Variants in RRP8 observed in about 807,000 individuals in gnomAD.
RRP8 encodes the protein ribosomal RNA processing 8.
In RRP8, 48 loss-of-function variants were observed where a neutral mutation model predicts 45.0. The ratio of observed to expected loss-of-function variants is 1.07; its 90% CI spans 0.85 to 1.36. RRP8 has a LOEUF of 1.36. Ranked by LOEUF, RRP8 falls within the 40% of genes most tolerant of loss-of-function variation. The pLI is 0.00. For missense variants in RRP8, 658 were observed against 573.7 expected (o/e 1.15, Z -1.50); for synonymous variants, 274 against 212.4 (o/e 1.29, Z -2.52).
rs953633003 is a variant in RRP8, at chr11:6,598,544, G to A, written c.*1602C>T. On this transcript the variant is annotated 3_prime_UTR_variant, in exon 7 of 7. Transcript: ENST00000254605. Reference sequence around the variant, plus strand: ...TAGCACTCTTCACATAGTACTTTGAGAGTACAGATGAAGAACTGATTTTGC... The same window carrying A: ...TAGCACTCTTCACATAGTACTTTGAAAGTACAGATGAAGAACTGATTTTGC... 6.6e-6 allele frequency: 1 copy of A among 152,278 alleles called. No individual in the cohort carries two copies. Among genetic ancestry groups the A allele is most frequent in the Non-Finnish European group, 1.5e-5 (1 of 68,052 alleles). 9.4% of individuals were successfully genotyped at this position (152,278 alleles called of 1,614,324 possible).
chr11:6,601,391 A>G lies in RRP8; in HGVS notation c.675T>C (p.Val225=), dbSNP rs751768798. ...APTEKTEVSP[V]PRTDSHEARA... is the part of the protein sequence containing the mutation. ...GAGCCTCATGGCTGTCTGTCCTGGG[A>G]ACAGGAGACACCTCTGTCTTCTCTG... is the stretch of plus-strand genomic sequence containing the variant. Residue 225 remains valine, a synonymous_variant, in exon 3 of 7, where the codon GTT becomes GTC. Transcript: ENST00000254605. 6.2e-6 allele frequency: 10 copies of G among 1,613,878 alleles called. No individual in the cohort carries two copies. In the Admixed American group the frequency reaches 1.7e-4, roughly 27 times the overall value.
chr11:6,601,610 G>A lies in RRP8; in HGVS notation c.464-8C>T. ...CCTTCCAGGCTTTGGGACCTACAGG[G>A]AGGGAGATGGGAAGGTGCACATGAG... On this transcript the variant is annotated splice_region_variant and splice_polypyrimidine_tract_variant and intron_variant, in intron 2 of 6. Transcript: ENST00000254605. The A allele has an allele frequency of 2.5e-6, 4 of 1,593,998 alleles. No individual in the cohort carries two copies. The highest frequency in any genetic ancestry group is 3.4e-6 in the Non-Finnish European group (4 of 1,176,160).
At chr11:6,600,607 T>C in intron 5 of RRP8, 25 bp from the exon 6 acceptor site, 1 of 1,609,838 alleles carries the variant, frequency 6.2e-7, no homozygotes, top group Non-Finnish European at 8.5e-7. Context: ...AAGTTCTGTG[T>C]AAGTGCACAG....
chr11:6,600,428 G>T, intron 6 of RRP8, 58 bp downstream of exon 6: 1 of 1,517,660 alleles, frequency 6.6e-7, no homozygotes, highest in Non-Finnish European at 9.1e-7. Context: ...CTGAACACCA[G>T]TACCCTGAAT....
Position 6,600,552 on chromosome 11 carries a change from G to T in RRP8, c.1185C>A (p.Ser395Arg). Residue 395 changes from serine to arginine, a missense_variant, in exon 6 of 7, where the codon AGC becomes AGA. Transcript: ENST00000254605. ...GAAAGGTTCGAACATCCTCAAAGCG[G>T]CTGCTGACCTCAGCCACTTTCAGGA... Reference protein sequence around the residue: ...GGLLKVAEVSSRFEDVRTFLR... With the variant: ...GGLLKVAEVSRRFEDVRTFLR... 6.2e-7 allele frequency: 1 copy of T among 1,614,076 alleles called. No homozygotes were observed. The highest frequency in any genetic ancestry group is 2.2e-5 in the East Asian group (1 of 44,880).
chr11:6,601,477 TTC>T lies in RRP8; in HGVS notation c.587_588del (p.Arg196LysfsTer3), dbSNP rs1286451967. ...GGTGGCTGAAACTTGTTCTTACATC[TTC>T]TCTTGTTCTTTTGCCGGTTCCGCCA... The part of the protein sequence containing the change: ...KQWRNRQKNK[R>X]RCKNKFQPPQ... On this transcript the variant is annotated frameshift_variant, in exon 3 of 7. Transcript: ENST00000254605. LOFTEE classifies it high-confidence loss of function. 3 of 1,613,946 alleles carry T rather than the reference TTC, an allele frequency of 1.9e-6. No individual in the cohort carries two copies. The highest frequency in any genetic ancestry group is 2.5e-6 in the Non-Finnish European group (3 of 1,180,026).
In RRP8 at chr11:6,603,527, G is replaced by A. The variant is rs538599645; in HGVS notation, c.-25C>T. ...TGAGGGTCGGGAGGGCAGGGTCGCC[G>A]AGTCCCCGCTCTTCTCCACGTGCAC... On this transcript the variant is annotated 5_prime_UTR_variant, in exon 1 of 7. Transcript: ENST00000254605. The A allele has an allele frequency of 4.2e-5, 62 of 1,461,940 alleles. No individual in the cohort carries two copies. In the South Asian group the frequency reaches 5.2e-4, roughly 12 times the overall value. The allele number at this position is 1,461,940 out of a possible 1,614,324, so 90.6% of individuals were successfully genotyped here. A position where few individuals can be genotyped will look rare whatever the true frequency, so the allele number is the denominator to read the frequency against.
At chr11:6,600,837 A>T (rs1301240181) in intron 4 of RRP8, 62 bp from the exon 5 acceptor site, 1 of 1,609,046 alleles carries the variant, frequency 6.2e-7, no homozygotes, top group Non-Finnish European at 8.5e-7. Context: ...CAGCACTGAG[A>T]TACCAGGATG....
At chr11:6,600,608 AAGTGCACAGACTCATGCATGCACACAT>A in intron 5 of RRP8, 26 bp from the exon 6 acceptor site, 1 of 1,612,486 alleles carries the variant, frequency 6.2e-7, no homozygotes, top group South Asian at 1.1e-5. Flanking sequence ...AGTTCTGTGT[AAGTGCACAGACTCATGCATGCACACAT>A]ACATACATGC....
intron 1 of RRP8, among the ~76,000 whole-genome samples, chr11:6,602,626 T>C (rs967284335): frequency 1.3e-5 from 2 of 152,132 alleles, no homozygotes; most frequent in Non-Finnish European, 2.9e-5. Flanking sequence ...AACATGTCTC[T>C]AGCTGCAGTG....
rs1359276394 is a variant in RRP8, at chr11:6,595,812, A to G, written c.*4334T>C. 3 of 152,222 alleles carry G rather than the reference A, an allele frequency of 2.0e-5. No homozygotes were observed. The South Asian group carries it at 6.2e-4, about 32-fold the overall frequency. The allele number at this position is 152,222 out of a possible 1,614,324, so 9.4% of individuals were successfully genotyped here. On this transcript the variant is annotated 3_prime_UTR_variant, in exon 7 of 7. Transcript: ENST00000254605. ...GAAGATATATCCAGTGTATATAATG[A>G]TAACTGCTAAAACACCCTCAAAACT...
intron 1 of RRP8, among the ~76,000 whole-genome samples, chr11:6,602,492 G>A (rs775070813): frequency 6.6e-6 from 1 of 152,120 alleles, no homozygotes; most frequent in African/African-American, 2.4e-5. Flanking sequence ...CAAGACCAAG[G>A]CCAGAGACCA....
chr11:6,601,650 AT>A (rs1854368184), intron 2 of RRP8, 48 bp from the exon 3 acceptor site: 1 of 1,541,888 alleles, frequency 6.5e-7, no homozygotes, highest in Non-Finnish European at 8.7e-7. Flanking sequence ...GATCTCTTAC[AT>A]TCGGAGTCAC....
In RRP8 at chr11:6,596,571, GACC is replaced by G. The variant is rs1161326125; in HGVS notation, c.*3572_*3574del. On this transcript the variant is annotated 3_prime_UTR_variant, in exon 7 of 7. Coordinates refer to ENST00000254605, the MANE Select transcript of RRP8 (RefSeq NM_015324.4). Reference sequence around the variant, plus strand: ...TTAGGGACACGAGTAGAAGCAATTAGACCACCAGTAAGGCAGTTACTGCAGGAG... The same window carrying G: ...TTAGGGACACGAGTAGAAGCAATTAGACCAGTAAGGCAGTTACTGCAGGAG... 3 of 152,210 alleles carry G rather than the reference GACC, an allele frequency of 2.0e-5. No homozygotes were observed. In the East Asian group the frequency reaches 5.8e-4, roughly 29 times the overall value. The allele number at this position is 152,210 out of a possible 1,614,324, so 9.4% of individuals were successfully genotyped here.
intron 2 of RRP8, 26 bp from the exon 3 acceptor site, chr11:6,601,628 C>T (rs1854367189): frequency 3.2e-6 from 5 of 1,571,434 alleles, no homozygotes; most frequent in Non-Finnish European, 4.3e-6. Context: ...TGGGAAGGTG[C>T]ACATGAGGCA....
chr11:6,595,780 T>C lies in RRP8; in HGVS notation c.*4366A>G, dbSNP rs1035806116. The C allele has an allele frequency of 7.2e-5, 11 of 152,208 alleles. No individual in the cohort carries two copies. The highest frequency in any genetic ancestry group is 4.1e-4 in the South Asian group (2 of 4,830). The allele number at this position is 152,208 out of a possible 1,614,324, so 9.4% of individuals were successfully genotyped here. A position where few individuals can be genotyped will look rare whatever the true frequency, so the allele number is the denominator to read the frequency against. ...GTGGTCAAGAGTAAGGTGGACAGGA[T>C]ACCATAGAAGATATATCCAGTGTAT... is the stretch of plus-strand genomic sequence containing the variant. On this transcript the variant is annotated 3_prime_UTR_variant, in exon 7 of 7. Transcript: ENST00000254605.
Position 6,601,220 on chromosome 11 carries a change from G to T in RRP8, c.846C>A (p.Arg282=), listed in dbSNP as rs772386950. The change falls in exon 3 of 7, where the codon CGC becomes CGA. Residue 282 remains arginine (R), a synonymous_variant. Transcript: ENST00000254605. The stretch of plus-strand genomic sequence containing the variant: ...ACTTCTTCACTTGGCTCTGGAAGCC[G>T]CGGTGGTAGAGAAGAAAAGCCTCAG... ...EDPEAFLLYH[R]GFQSQVKKWP... 1 of 1,612,268 alleles carries T rather than the reference G, an allele frequency of 6.2e-7. No individual in the cohort carries two copies. The highest frequency in any genetic ancestry group is 8.5e-7 in the Non-Finnish European group (1 of 1,179,136).
rs544435176 is a variant in RRP8 at position 6,595,548 on chromosome 11, ATC to A, written c.*4596_*4597del. The A allele has an allele frequency of 2.1e-3, 318 of 152,232 alleles. 3 individuals are homozygous for A. The highest frequency in any genetic ancestry group is 7.4e-3 in the African/African-American group (307 of 41,552). 9.4% of individuals were successfully genotyped at this position (152,232 alleles called of 1,614,324 possible). On this transcript the variant is annotated 3_prime_UTR_variant, in exon 7 of 7. Transcript: ENST00000254605. The stretch of plus-strand genomic sequence containing the variant: ...TCCAGGTTATATGACAAAAAAAAAC[ATC>A]TGTTTAGGACATTCTTTAGTGGGAT...
Position 6,603,560 on chromosome 11 carries a change from C to T in RRP8, c.-58G>A. ...GCTCTTCTCCACGTGCACAGCGCTC[C>T]TCTGGAAGTCGGAGCGCTCAGACCT... On this transcript the variant is annotated 5_prime_UTR_variant, in exon 1 of 7. Transcript: ENST00000254605. 1 of 1,188,758 alleles carries T rather than the reference C, an allele frequency of 8.4e-7. No individual in the cohort carries two copies. Among genetic ancestry groups the T allele is most frequent in the Non-Finnish European group, 1.2e-6 (1 of 849,406 alleles). The allele number at this position is 1,188,758 out of a possible 1,614,324, so 73.6% of individuals were successfully genotyped here. A position where few individuals can be genotyped will look rare whatever the true frequency, so the allele number is the denominator to read the frequency against.
Sources: allele counts gnomAD v4.1 joint callset (sites outside exome capture counted in the v4.1 genomes callset), GRCh38; gene constraint gnomAD v4.1.1; transcripts MANE v1.5; gene names NCBI Gene and HGNC (gene_info 2026-07-23, HGNC 2026-07-21).